The following ATP5PF variants were observed in gnomAD, a reference collection of about 807,000 sequenced individuals.
The protein encoded by ATP5PF is ATP synthase peripheral stalk subunit F6, mitochondrial.
A neutral mutation model predicts 12.0 loss-of-function variants in ATP5PF; 7 were observed. That is an observed-to-expected ratio of 0.58 (90% confidence interval 0.33 to 1.10). The LOEUF is 1.10. Among genes scored for constraint, ATP5PF ranks in the 50% least tolerant of loss-of-function variants. The pLI, the probability that ATP5PF is intolerant of heterozygous loss-of-function variation, is 0.03. For missense variants in ATP5PF, 120 were observed against 127.7 expected, an observed-to-expected ratio of 0.94 and a Z score of 0.29; for synonymous variants, 41 against 45.4, an observed-to-expected ratio of 0.90 and a Z score of 0.39.
At chr21:25,727,866 G>A (rs1463691427) in intron 2 of ATP5PF, among the ~76,000 whole-genome samples, 4 of 152,156 alleles carry the variant, frequency 2.6e-5, no homozygotes, top group Non-Finnish European at 5.9e-5. Flanking sequence ...TAAAATTGGG[G>A]TAACATCTAT....
upstream of ATP5PF, chr21:25,735,400 G>C (rs566515490): frequency 2.5e-4 from 45 of 182,646 alleles, no homozygotes; most frequent in Non-Finnish European, 4.1e-4. Context: ...CTGGGAGGCG[G>C]GAGGGGGGTT....
At chr21:25,734,665 G>C in intron 1 of ATP5PF, 188 bp downstream of exon 1, 1 of 572,586 alleles carries the variant, frequency 1.7e-6, no homozygotes, top group Non-Finnish European at 2.9e-6. Context: ...TTATTTCTGG[G>C]TCTACGGCAA....
At position 25,729,654 on chromosome 21, in the gene ATP5PF, A is replaced by G; in HGVS notation, c.141T>C (p.Ile47=). 1 of 1,613,026 alleles carries G rather than the reference A, an allele frequency of 6.2e-7. No homozygotes were observed. Among genetic ancestry groups the G allele is most frequent in the Non-Finnish European group, 8.5e-7 (1 of 1,179,420 alleles). ...ACTGTCGCTTAGATTTGTATTCTCT[A>G]ATCTTGTCCACAAAGAGTTTCTGTA... ...DPIQKLFVDK[I]REYKSKRQTS... is the part of the protein sequence containing the mutation. The change falls in exon 2 of 4, where the codon ATT becomes ATC. Residue 47 remains isoleucine, a synonymous_variant. Transcript: ENST00000284971.
rs2034565630 is a variant in ATP5PF, at chr21:25,724,524, G to A, written c.*116C>T. On this transcript the variant is annotated 3_prime_UTR_variant, in exon 4 of 4. Transcript: ENST00000284971. ...CTCAACATCACCAAATAATTTATTT[G>A]GACTCAGAATTAAAAGAACATTTGA... 5 of 1,162,520 alleles carry A rather than the reference G, an allele frequency of 4.3e-6. No homozygotes were observed. The South Asian group carries it at 6.9e-5, about 16-fold the overall frequency. The allele number at this position is 1,162,520 out of a possible 1,614,324, so 72.0% of individuals were successfully genotyped here. A position where few individuals can be genotyped will look rare whatever the true frequency, so the allele number is the denominator to read the frequency against.
intron 1 of ATP5PF, among the ~76,000 whole-genome samples, chr21:25,732,378 G>A (rs1047804700): frequency 2.0e-5 from 3 of 152,220 alleles, no homozygotes; most frequent in South Asian, 2.1e-4. Context: ...CAGGTGCAGC[G>A]GATCATGCCT....
chr21:25,725,593 C>A (rs1298523245), intron 2 of ATP5PF, among the ~76,000 whole-genome samples: 4 of 152,252 alleles, frequency 2.6e-5, no homozygotes, highest in Non-Finnish European at 5.9e-5. Context: ...GCACACGCCA[C>A]CATGCCCAGC....
intron 1 of ATP5PF, among the ~76,000 whole-genome samples, chr21:25,733,830 A>G (rs1446518374): frequency 2.6e-5 from 4 of 152,228 alleles, no homozygotes; most frequent in Non-Finnish European, 5.9e-5. Flanking sequence ...CTCACAGTTA[A>G]TTTGCTCTAA....
At chr21:25,735,607 GCGCGGGCCCT>G (rs2035018508), upstream of ATP5PF, 1 of 152,596 alleles carries the variant, frequency 6.6e-6, no homozygotes, top group Non-Finnish European at 1.5e-5. Flanking sequence ...GAGGAGGGGA[GCGCGGGCCCT>G]CGCGGGCCGG....
At chr21:25,728,199 C>T (rs1364653324) in intron 2 of ATP5PF, among the ~76,000 whole-genome samples, 3 of 152,096 alleles carry the variant, frequency 2.0e-5, no homozygotes, top group African/African-American at 7.2e-5. Context: ...TCAATCCTTC[C>T]AATACCCTGG....
intron 2 of ATP5PF, among the ~76,000 whole-genome samples, chr21:25,726,378 T>C (rs992583799): frequency 6.6e-6 from 1 of 152,208 alleles, no homozygotes; most frequent in Non-Finnish European, 1.5e-5. Flanking sequence ...CAAAAAGCTA[T>C]TCAAGTTGAG....
chr21:25,729,752 A>C lies in ATP5PF; in HGVS notation c.43T>G (p.Ser15Ala). The C allele has an allele frequency of 3.1e-6, 5 of 1,613,952 alleles. No individual in the cohort carries two copies. The highest frequency in any genetic ancestry group is 4.2e-6 in the Non-Finnish European group (5 of 1,180,010). ...RLFRFSSVIR[S>A]AVSVHLRRNI... is the part of the protein sequence containing the mutation. ...CTCCGCAAATGGACTGAGACGGCTGACCGAATGACAGAGGAGAACCTGAAG... is the reference window on the plus strand; with the variant it reads ...CTCCGCAAATGGACTGAGACGGCTGCCCGAATGACAGAGGAGAACCTGAAG... The change falls in exon 2 of 4, where the codon TCA becomes GCA. Residue 15 changes from serine (S) to alanine (A), a missense_variant. Transcript: ENST00000284971.
At chr21:25,724,946 C>G (rs960744242) in intron 3 of ATP5PF, 1 of 581,022 alleles carries the variant, frequency 1.7e-6, no homozygotes, top group South Asian at 2.2e-5. Context: ...AGACATGCAC[C>G]AGTTAATTAC....
chr21:25,725,688 T>C (rs547098516), intron 2 of ATP5PF, among the ~76,000 whole-genome samples: 1 of 152,332 alleles, frequency 6.6e-6, no homozygotes, highest in East Asian at 1.9e-4. Context: ...TCCGCCCGCC[T>C]CGGCCTCCCA....
chr21:25,735,067 G>T, upstream of ATP5PF: 2 of 1,108,530 alleles, frequency 1.8e-6, no homozygotes, highest in South Asian at 1.3e-5. Flanking sequence ...GGAGGAAGTG[G>T]AGGGTAAGTG....
intron 2 of ATP5PF, among the ~76,000 whole-genome samples, chr21:25,727,164 G>A (rs1215862053): frequency 1.3e-5 from 2 of 151,988 alleles, no homozygotes; most frequent in South Asian, 2.1e-4. Context: ...CATGGATAAC[G>A]GCAACCAAAA....
intron 3 of ATP5PF, chr21:25,724,948 G>C: frequency 1.7e-6 from 1 of 583,120 alleles, no homozygotes; most frequent in East Asian, 3.1e-5. Flanking sequence ...ACATGCACCA[G>C]TTAATTACTC....
At chr21:25,729,474 C>A (rs1293120382) in intron 2 of ATP5PF, among the ~76,000 whole-genome samples, 157 bp downstream of exon 2, 1 of 152,110 alleles carries the variant, frequency 6.6e-6, no homozygotes, top group African/African-American at 2.4e-5. Flanking sequence ...AATCAAGATC[C>A]TTATCTTCTT....
chr21:25,733,512 G>T (rs1482231442), intron 1 of ATP5PF, among the ~76,000 whole-genome samples: 1 of 151,870 alleles, frequency 6.6e-6, no homozygotes, highest in Admixed American at 6.6e-5. Flanking sequence ...GGGCGACAGA[G>T]CGAGACTCTG....
intron 3 of ATP5PF, 80 bp downstream of exon 3, chr21:25,725,146 A>G: frequency 6.6e-7 from 1 of 1,513,788 alleles, no homozygotes; most frequent in Non-Finnish European, 8.9e-7. Context: ...ACTGTCATTC[A>G]GTTCTCTAAA....
Sources: gnomAD v4.1 joint callset for allele counts (sites outside exome capture counted in the v4.1 genomes callset) on GRCh38, gnomAD v4.1.1 for gene constraint, MANE v1.5 for transcripts, NCBI Gene and HGNC (gene_info 2026-07-23, HGNC 2026-07-21) for gene names.